FBXO15: variants seen among roughly 807,000 people sequenced by gnomAD.
The protein encoded by FBXO15 is F-box protein 15.
Under a neutral mutation model 49.5 loss-of-function variants are expected in FBXO15, and 30 were observed. That is an observed-to-expected ratio of 0.61 (90% CI 0.45 to 0.82). The LOEUF is 0.82. FBXO15 is among the 40% of genes least tolerant of loss of function. The pLI is 0.00. For synonymous variants in FBXO15, 250 were observed against 232.7 expected (o/e 1.07, Z -0.68); for missense variants, 591 against 631.5 (o/e 0.94, Z 0.69).
At chr18:74,093,620 T>C (rs1913152076) in intron 8 of FBXO15, among the ~76,000 whole-genome samples, 1 of 152,242 alleles carries the variant, frequency 6.6e-6, no homozygotes, top group Non-Finnish European at 1.5e-5. Context: ...ATTCAAGTTT[T>C]ATCATGAGAT....
At chr18:74,140,342 T>A (rs1028883200) in intron 1 of FBXO15, 30 bp from the exon 2 acceptor site, 1 of 1,531,956 alleles carries the variant, frequency 6.5e-7, no homozygotes, top group Non-Finnish European at 8.8e-7. Flanking sequence ...ATTCAAATTA[T>A]GTAATTACCA....
intron 8 of FBXO15, among the ~76,000 whole-genome samples, chr18:74,108,694 G>A (rs1913880022): frequency 6.6e-6 from 1 of 152,112 alleles, no homozygotes; most frequent in Admixed American, 6.5e-5. Flanking sequence ...TCAAACCATA[G>A]ATACAGGAAG....
chr18:74,127,033 T>C (rs1471712469), intron 5 of FBXO15, among the ~76,000 whole-genome samples: 3 of 151,940 alleles, frequency 2.0e-5, no homozygotes, highest in African/African-American at 7.3e-5. Context: ...CACTGTGGAG[T>C]CAGAGAAACC....
chr18:74,112,038 C>T (rs974034739), intron 8 of FBXO15, among the ~76,000 whole-genome samples: 4 of 152,046 alleles, frequency 2.6e-5, no homozygotes, highest in Admixed American at 1.3e-4. Context: ...GAAATTGAAT[C>T]AATAATTAAT....
chr18:74,145,593 A>AGTTTTTTTTTTTTTT (rs1568186088), intron 1 of FBXO15, among the ~76,000 whole-genome samples: 2 of 108,144 alleles, frequency 1.8e-5, no homozygotes, highest in African/African-American at 9.0e-5. Flanking sequence ...AACCAACTGC[A>AGTTTTTTTTTTTTTT]CTTTTTTTTT....
intron 8 of FBXO15, among the ~76,000 whole-genome samples, chr18:74,107,066 C>G (rs889290453): frequency 1.3e-4 from 19 of 151,760 alleles, no homozygotes; most frequent in Non-Finnish European, 2.5e-4. Flanking sequence ...TGATTATTTG[C>G]TTCTTTATAA....
intron 3 of FBXO15, among the ~76,000 whole-genome samples, chr18:74,132,581 G>A (rs1456357138): frequency 6.6e-6 from 1 of 152,110 alleles, no homozygotes; most frequent in Admixed American, 6.6e-5. Flanking sequence ...TATTGCAGAT[G>A]GTTCCCCTTG....
intron 4 of FBXO15, 147 bp downstream of exon 4, chr18:74,130,269 G>A: frequency 8.8e-7 from 1 of 1,134,138 alleles, no homozygotes; most frequent in South Asian, 1.8e-5. Context: ...AGGCTATGCG[G>A]AATAGGAAAA....
At chr18:74,093,266 G>GGC (rs1555676384) in intron 8 of FBXO15, among the ~76,000 whole-genome samples, 4 of 149,784 alleles carry the variant, frequency 2.7e-5, no homozygotes, top group East Asian at 2.0e-4. Context: ...AAAACAATGG[G>GGC]GGGGGGGTGG....
chr18:74,144,975 TA>T (rs1979316232), intron 1 of FBXO15, among the ~76,000 whole-genome samples: 2 of 152,202 alleles, frequency 1.3e-5, no homozygotes, highest in Non-Finnish European at 2.9e-5. Context: ...TATATGTAAA[TA>T]AAATGATCTT....
At chr18:74,144,275 C>A (rs1979267397) in intron 1 of FBXO15, among the ~76,000 whole-genome samples, 1 of 152,048 alleles carries the variant, frequency 6.6e-6, no homozygotes, top group East Asian at 1.9e-4. Flanking sequence ...TAACAGTTAA[C>A]AGATCTGATT....
intron 8 of FBXO15, among the ~76,000 whole-genome samples, chr18:74,093,386 G>A (rs1300821905): frequency 6.6e-6 from 1 of 152,128 alleles, no homozygotes; most frequent in African/African-American, 2.4e-5. Context: ...GCTCTCTGAT[G>A]GTCAGGTGTG....
chr18:74,142,675 T>C (rs2145230228), intron 1 of FBXO15, among the ~76,000 whole-genome samples: 1 of 152,270 alleles, frequency 6.6e-6, no homozygotes, highest in African/African-American at 2.4e-5. Context: ...TATAAGGATA[T>C]CATTCATATT....
intron 8 of FBXO15, among the ~76,000 whole-genome samples, chr18:74,120,355 A>G (rs1914421718): frequency 2.6e-5 from 4 of 152,236 alleles, no homozygotes; most frequent in African/African-American, 9.6e-5. Flanking sequence ...ACTCTACTCA[A>G]CAACAGCAGA....
chr18:74,083,164 C>T (rs1048334361), intron 8 of FBXO15, among the ~76,000 whole-genome samples: 6 of 152,214 alleles, frequency 3.9e-5, no homozygotes, highest in African/African-American at 1.2e-4. Flanking sequence ...GGTTTCTCCA[C>T]GTCTTACTTC....
At chr18:74,146,729 G>A (rs1427652916) in intron 1 of FBXO15, among the ~76,000 whole-genome samples, 2 of 152,158 alleles carry the variant, frequency 1.3e-5, no homozygotes, top group African/African-American at 4.8e-5. Flanking sequence ...CAGGTAAGTG[G>A]AAGTAATGGA....
rs773959437 is a variant in FBXO15 at position 74,123,518 on chromosome 18, G to A, written c.996-8C>T. On this transcript the variant is annotated splice_region_variant and splice_polypyrimidine_tract_variant and intron_variant, in intron 7 of 9. Transcript: ENST00000419743. ...GGAGGCAGTTCATAGGGGCTGAAAA[G>A]CAAAACAAAAGAAACATACAAATTT... 6.3e-7 allele frequency: 1 copy of A among 1,584,380 alleles called. No homozygotes were observed. Among genetic ancestry groups the A allele is most frequent in the Admixed American group, 2.0e-5 (1 of 50,048 alleles).
At chr18:74,131,144 C>T (rs182776965) in intron 3 of FBXO15, among the ~76,000 whole-genome samples, 5 of 152,218 alleles carry the variant, frequency 3.3e-5, no homozygotes, top group South Asian at 2.1e-4. Flanking sequence ...ACAAGGAATA[C>T]GCTTTCACAA....
chr18:74,111,228 G>A (rs576127431), intron 8 of FBXO15, among the ~76,000 whole-genome samples: 36 of 148,070 alleles, frequency 2.4e-4, no homozygotes, highest in African/African-American at 8.7e-4. Flanking sequence ...CACTTGGGAG[G>A]CCGAGGCAGG....
Sources: allele counts gnomAD v4.1 joint callset (sites outside exome capture counted in the v4.1 genomes callset), GRCh38; gene constraint gnomAD v4.1.1; transcripts MANE v1.5; gene names NCBI Gene and HGNC (gene_info 2026-07-23, HGNC 2026-07-21).